PARM1: variants seen among roughly 807,000 people sequenced by gnomAD.
PARM1 encodes WSC4, cell wall integrity and stress response component 4 homolog.
Under a neutral mutation model 24.6 loss-of-function variants are expected in PARM1, and 14 were observed. The ratio of observed to expected loss-of-function variants is 0.57; its 90% CI spans 0.38 to 0.89. The LOEUF is 0.89. Ranked by LOEUF, PARM1 falls within the 40% of genes least tolerant of loss-of-function variation. The pLI, the probability that PARM1 is intolerant of heterozygous loss-of-function variation, is 0.00. For synonymous variants in PARM1, 179 were observed against 156.6 expected (o/e 1.14, Z -1.07); for missense variants, 362 against 380.4 (o/e 0.95, Z 0.40).
Position 75,012,468 on chromosome 4 carries a change from T to C in PARM1, c.87T>C (p.Val29=). 1.2e-6 allele frequency: 2 copies of C among 1,613,914 alleles called. No individual in the cohort carries two copies. Among genetic ancestry groups the C allele is most frequent in the Non-Finnish European group, 1.7e-6 (2 of 1,179,858 alleles). Reference sequence around the variant, plus strand: ...TGCCTACATCAGCTCCTTTGTCTGTTTCTCTTCCGACAAACATTGTACCAC... The same window carrying C: ...TGCCTACATCAGCTCCTTTGTCTGTCTCTCTTCCGACAAACATTGTACCAC... The part of the protein sequence containing the change: ...QSLPTSAPLS[V]SLPTNIVPPT... Residue 29 remains valine, a synonymous_variant, in exon 2 of 4, where the codon GTT becomes GTC. Transcript: ENST00000307428.
At chr4:74,935,575 A>G (rs1297880024) in intron 1 of PARM1, among the ~76,000 whole-genome samples, 2 of 152,164 alleles carry the variant, frequency 1.3e-5, no homozygotes, top group East Asian at 3.8e-4. Context: ...AGTTAGTTTC[A>G]CCAGGCCTTG....
chr4:75,045,719 A>G (rs1723588995), intron 3 of PARM1, among the ~76,000 whole-genome samples: 1 of 152,250 alleles, frequency 6.6e-6, no homozygotes, highest in African/African-American at 2.4e-5. Flanking sequence ...TTTATAAATT[A>G]TAAGACAATA....
chr4:74,965,760 G>A (rs756803465), intron 1 of PARM1, among the ~76,000 whole-genome samples: 1 of 152,052 alleles, frequency 6.6e-6, no homozygotes, highest in African/African-American at 2.4e-5. Context: ...CCCAGACTGG[G>A]GGACATTCTC....
At chr4:75,000,882 A>G (rs930124552) in intron 1 of PARM1, among the ~76,000 whole-genome samples, 1 of 152,252 alleles carries the variant, frequency 6.6e-6, no homozygotes, top group Admixed American at 6.5e-5. Flanking sequence ...GTCCAAGATC[A>G]CAAAGCTAAT....
intron 1 of PARM1, among the ~76,000 whole-genome samples, chr4:74,942,464 A>G (rs998635829): frequency 3.3e-5 from 5 of 152,252 alleles, no homozygotes; most frequent in African/African-American, 1.2e-4. Flanking sequence ...CGAACTCAAC[A>G]TATCCAAAAC....
intron 1 of PARM1, among the ~76,000 whole-genome samples, chr4:74,961,277 A>C (rs1721768553): frequency 1.3e-5 from 2 of 152,178 alleles, no homozygotes; most frequent in Admixed American, 1.3e-4. Flanking sequence ...AAAAATATCA[A>C]AGAAAAGTGA....
At chr4:75,013,369 C>A (rs771726720) in intron 2 of PARM1, among the ~76,000 whole-genome samples, 1 of 152,180 alleles carries the variant, frequency 6.6e-6, no homozygotes, top group Non-Finnish European at 1.5e-5. Context: ...CCTGTTTTCA[C>A]AAGTCATAAT....
Position 74,933,412 on chromosome 4 carries a change from G to A in PARM1, c.43+42G>A, listed in dbSNP as rs780717629. ...TCCCGGAAGGGCAGGTCGCGGGGTGGGCCCCAGTAGCTAGCGCGTGGTCGG... is the reference window on the plus strand; with the variant it reads ...TCCCGGAAGGGCAGGTCGCGGGGTGAGCCCCAGTAGCTAGCGCGTGGTCGG... On this transcript the variant is annotated intron_variant, in intron 1 of 3. Coordinates refer to ENST00000307428, the MANE Select transcript of PARM1 (RefSeq NM_015393.4). 9 of 1,576,744 alleles carry A rather than the reference G, an allele frequency of 5.7e-6. No individual in the cohort carries two copies. The African/African-American group carries it at 9.4e-5, about 17-fold the overall frequency.
At chr4:74,965,743 G>A (rs755613367) in intron 1 of PARM1, among the ~76,000 whole-genome samples, 3 of 152,014 alleles carry the variant, frequency 2.0e-5, no homozygotes, top group Non-Finnish European at 2.9e-5. Flanking sequence ...GAAAAGCATC[G>A]GACTAACCCA....
chr4:75,012,531 T>C lies in PARM1; in HGVS notation c.150T>C (p.Asp50=), dbSNP rs199499699. The C allele has an allele frequency of 2.9e-4, 462 of 1,613,956 alleles. 1 individual carries two copies. The highest frequency in any genetic ancestry group is 3.5e-4 in the Non-Finnish European group (418 of 1,179,890). Residue 50 remains aspartate (D), a synonymous_variant, in exon 2 of 4, where the codon GAT becomes GAC. Transcript: ENST00000307428. Reference sequence around the variant, plus strand: ...GGACTAGCTCTCCACAAAACACTGATGCAGACACTGCCTCCCCATCCAACG... The same window carrying C: ...GGACTAGCTCTCCACAAAACACTGACGCAGACACTGCCTCCCCATCCAACG... ...TIWTSSPQNT[D]ADTASPSNGT...
At chr4:75,040,074 C>G (rs188483326) in intron 3 of PARM1, among the ~76,000 whole-genome samples, 1 of 152,060 alleles carries the variant, frequency 6.6e-6, no homozygotes, top group South Asian at 2.1e-4. Flanking sequence ...CAGTACCTGA[C>G]GTATAGTAGT....
chr4:74,966,450 T>A (rs1374068907), intron 1 of PARM1, among the ~76,000 whole-genome samples: 3 of 152,162 alleles, frequency 2.0e-5, no homozygotes, highest in Non-Finnish European at 2.9e-5. Flanking sequence ...CTAAACCAAC[T>A]GAAGAGGATT....
chr4:74,942,847 G>C lies in PARM1; in HGVS notation c.43+9477G>C, dbSNP rs184048894. 8.8e-4 allele frequency among the ~76,000 whole-genome samples: 134 copies of C among 152,230 alleles called. 1 individual carries two copies. The highest frequency in any genetic ancestry group is 3.1e-3 in the African/African-American group (130 of 41,524). Reference sequence around the variant, plus strand: ...TTGGAACTATATCAGTCACTGCTCTGTTCAGAGCCCTGTAATGGCTCCTCT... The same window carrying C: ...TTGGAACTATATCAGTCACTGCTCTCTTCAGAGCCCTGTAATGGCTCCTCT... On this transcript the variant is annotated intron_variant, in intron 1 of 3. Coordinates refer to ENST00000307428, the MANE Select transcript of PARM1 (RefSeq NM_015393.4).
At chr4:75,013,344 A>G (rs1454788681) in intron 2 of PARM1, among the ~76,000 whole-genome samples, 194 bp downstream of exon 2, 1 of 152,242 alleles carries the variant, frequency 6.6e-6, no homozygotes, top group African/African-American at 2.4e-5. Context: ...ACTGTGGCCA[A>G]TTGCACCTTT....
chr4:75,045,011 G>T (rs1723573276), intron 3 of PARM1, among the ~76,000 whole-genome samples: 1 of 152,200 alleles, frequency 6.6e-6, no homozygotes, highest in Admixed American at 6.5e-5. Context: ...GGAACTGTGG[G>T]AGTTGCAATT....
intron 1 of PARM1, among the ~76,000 whole-genome samples, chr4:74,945,691 A>G (rs1361927263): frequency 6.6e-6 from 1 of 152,208 alleles, no homozygotes; most frequent in Non-Finnish European, 1.5e-5. Context: ...TTTGTCACAT[A>G]TGGGAGCAAT....
At chr4:74,998,586 T>A (rs1722618963) in intron 1 of PARM1, among the ~76,000 whole-genome samples, 1 of 152,238 alleles carries the variant, frequency 6.6e-6, no homozygotes, top group East Asian at 1.9e-4. Context: ...TTTAGTTCAT[T>A]ATGAGGAACA....
chr4:74,999,547 A>G (rs909800475), intron 1 of PARM1, among the ~76,000 whole-genome samples: 8 of 152,318 alleles, frequency 5.3e-5, no homozygotes, highest in Admixed American at 3.9e-4. Flanking sequence ...AAACAAATGT[A>G]TATGTTTTTC....
intron 1 of PARM1, among the ~76,000 whole-genome samples, chr4:74,966,373 G>A (rs993856238): frequency 6.6e-6 from 1 of 152,176 alleles, no homozygotes; most frequent in African/African-American, 2.4e-5. Flanking sequence ...TATAACCAAT[G>A]AGTAGAGTGA....
Sources: gnomAD v4.1 joint callset for allele counts (sites outside exome capture counted in the v4.1 genomes callset) on GRCh38, gnomAD v4.1.1 for gene constraint, MANE v1.5 for transcripts, NCBI Gene and HGNC (gene_info 2026-07-23, HGNC 2026-07-21) for gene names.